Variants in PADI6 observed in about 807,000 individuals in gnomAD.
PADI6 encodes peptidyl arginine deiminase 6.
In PADI6, 66 loss-of-function variants were observed where a neutral mutation model predicts 78.2. The ratio of observed to expected loss-of-function variants is 0.84; its 90% CI spans 0.69 to 1.04. The LOEUF (loss-of-function observed/expected upper bound fraction) is 1.04, where lower values mean the gene tolerates loss of function less well. PADI6 is among the 50% of genes least tolerant of loss of function. The probability of loss-of-function intolerance (pLI) is 0.00; values close to 1 mark genes in which losing one functional copy is unlikely to be tolerated. For synonymous variants in PADI6, 397 were observed against 346.9 expected, an observed-to-expected ratio of 1.14 and a Z score of -1.60; for missense variants, 854 against 866.1, an observed-to-expected ratio of 0.99 and a Z score of 0.18.
intron 8 of PADI6, among the ~76,000 whole-genome samples, chr1:17,389,617 T>G (rs2075161971): frequency 6.6e-6 from 1 of 152,170 alleles, no homozygotes; most frequent in Admixed American, 6.5e-5. Flanking sequence ...CACGTCCGGC[T>G]TCAGGGAATC....
In PADI6 at chr1:17,388,528, CTG is replaced by C. The variant is rs2075149800; in HGVS notation, c.831_832del (p.Ser278ProfsTer59). On this transcript the variant is annotated frameshift_variant, in exon 7 of 16. Transcript: ENST00000619609. LOFTEE classifies it high-confidence loss of function. ...GAATTCTCAGGCCTCATCTCCTACT[CTG>C]TGTCCCTGGTGGAGGAGTCTCAAGA... The C allele has an allele frequency of 1.9e-6, 3 of 1,613,086 alleles. No individual in the cohort carries two copies. Among genetic ancestry groups the C allele is most frequent in the Non-Finnish European group, 2.5e-6 (3 of 1,179,174 alleles).
intron 9 of PADI6, 44 bp from the exon 10 acceptor site, chr1:17,393,931 G>T (rs374146973): frequency 1.3e-5 from 20 of 1,554,722 alleles, no homozygotes; most frequent in Non-Finnish European, 1.8e-5. Flanking sequence ...GGGGTCCGGG[G>T]AGATGTGTGA....
chr1:17,395,470 T>C, intron 12 of PADI6, 70 bp from the exon 13 acceptor site: 1 of 1,520,760 alleles, frequency 6.6e-7, no homozygotes, highest in Non-Finnish European at 8.9e-7. Context: ...TCCAAAGTGC[T>C]GGGATTACAG....
At chr1:17,393,347 T>C (rs6695214) in intron 9 of PADI6, among the ~76,000 whole-genome samples, 91,567 of 151,986 alleles carry the variant, frequency 0.6, 27,858 homozygotes, top group South Asian at 0.67. Context: ...CTGGCTAAGA[T>C]GTAGGGAACA....
chr1:17,381,241 T>C, intron 5 of PADI6, 77 bp downstream of exon 5: 1 of 1,263,616 alleles, frequency 7.9e-7, no homozygotes, highest in Non-Finnish European at 1.1e-6. Flanking sequence ...GATTCCAGAC[T>C]AATTTTCTCC....
intron 14 of PADI6, 76 bp downstream of exon 14, chr1:17,397,217 C>T (rs1416111849): frequency 6.5e-6 from 10 of 1,527,436 alleles, no homozygotes; most frequent in Admixed American, 1.8e-5. Context: ...TTCCACCCAC[C>T]CCTCCTGAGG....
chr1:17,394,194 G>A (rs1302506703), intron 10 of PADI6, 106 bp from the exon 11 acceptor site: 4 of 1,551,912 alleles, frequency 2.6e-6, no homozygotes, highest in African/African-American at 2.7e-5. Flanking sequence ...CCTCTGAGGG[G>A]GGAGGGGACG....
At chr1:17,383,951 C>G (rs1448345788) in intron 6 of PADI6, among the ~76,000 whole-genome samples, 1 of 151,182 alleles carries the variant, frequency 6.6e-6, no homozygotes, top group Non-Finnish European at 1.5e-5. Context: ...GAGTTCGAGA[C>G]CAGCCCGGCC....
chr1:17,400,545 C>A (rs1205456237), intron 15 of PADI6, among the ~76,000 whole-genome samples: 1 of 152,110 alleles, frequency 6.6e-6, no homozygotes, highest in Non-Finnish European at 1.5e-5. Context: ...AAATTCTGTT[C>A]CTACTTATTC....
intron 6 of PADI6, among the ~76,000 whole-genome samples, chr1:17,386,280 T>C (rs1206220202): frequency 1.3e-5 from 2 of 152,176 alleles, no homozygotes; most frequent in Non-Finnish European, 2.9e-5. Flanking sequence ...CTAGCAAAGA[T>C]AGCCCACAGT....
In PADI6 at chr1:17,375,409, G is replaced by C. The variant is rs750764720; in HGVS notation, c.295-18G>C. The C allele has an allele frequency of 1.8e-5, 29 of 1,606,044 alleles. No individual in the cohort carries two copies. Among genetic ancestry groups the C allele is most frequent in the Middle Eastern group, 3.3e-4 (2 of 6,074 alleles). On this transcript the variant is annotated intron_variant, in intron 2 of 15. Transcript: ENST00000619609. ...CCCGTCCAACACTGCCTATGGTTTC[G>C]GGATGCTGTCTCCACAGGTCTCGGT...
At chr1:17,388,929 C>A (rs1023464523) in intron 8 of PADI6, 49 bp downstream of exon 8, 4 of 1,457,174 alleles carry the variant, frequency 2.7e-6, no homozygotes, top group Non-Finnish European at 3.8e-6. Context: ...ATAACTGGCA[C>A]CCTCTTCTTT....
chr1:17,392,264 T>TGG (rs2075194154), intron 9 of PADI6, 39 bp downstream of exon 9: 1 of 1,457,540 alleles, frequency 6.9e-7, no homozygotes, highest in Non-Finnish European at 9.4e-7. Flanking sequence ...CGGGGAGGGG[T>TGG]GGGGAGACTC....
At chr1:17,391,629 A>G (rs12127405) in intron 8 of PADI6, among the ~76,000 whole-genome samples, 52,858 of 152,134 alleles carry the variant, frequency 0.35, 9,399 homozygotes, top group South Asian at 0.39. Context: ...TGAAGACCCC[A>G]GGGCTCAAGA....
At position 17,399,025 on chromosome 1, in the gene PADI6, T is replaced by TG. The variant is rs1473482778; in HGVS notation, c.1851+179dup. 2.6e-5 allele frequency among the ~76,000 whole-genome samples: 4 copies of TG among 151,792 alleles called. No individual in the cohort carries two copies. In the South Asian group the frequency reaches 8.4e-4, roughly 32 times the overall value. On this transcript the variant is annotated intron_variant, in intron 15 of 15. Coordinates refer to ENST00000619609, the MANE Select transcript of PADI6 (RefSeq NM_207421.4). Reference sequence around the variant, plus strand: ...AGGGACGCCCCACCCAGAGAGCAAGTGTACAGGGCCTGAAGGCTTGGAGGT... The same window carrying TG: ...AGGGACGCCCCACCCAGAGAGCAAGTGGTACAGGGCCTGAAGGCTTGGAGGT...
At chr1:17,391,511 C>T (rs549524010) in intron 8 of PADI6, among the ~76,000 whole-genome samples, 10 of 152,220 alleles carry the variant, frequency 6.6e-5, no homozygotes, top group African/African-American at 2.4e-4. Flanking sequence ...TGCGCCACTG[C>T]GTCCGGCCAG....
rs747472866 is a variant in PADI6 at position 17,381,927 on chromosome 1, C to T, written c.554-40C>T. ...TTCCCTCCACCCCCAGAGTGCTGGC[C>T]TCCAGACATTCCTTAACCTTTGCTT... On this transcript the variant is annotated intron_variant, in intron 5 of 15. Coordinates refer to ENST00000619609, the MANE Select transcript of PADI6 (RefSeq NM_207421.4). 11 of 1,611,684 alleles carry T rather than the reference C, an allele frequency of 6.8e-6. No homozygotes were observed. The Admixed American group carries it at 1.2e-4, about 17-fold the overall frequency.
chr1:17,384,621 CCTAG>C (rs1191083951), intron 6 of PADI6, among the ~76,000 whole-genome samples: 1 of 152,096 alleles, frequency 6.6e-6, no homozygotes, highest in East Asian at 1.9e-4. Flanking sequence ...AGCTTGTAAT[CCTAG>C]CTACTCAGGA....
chr1:17,391,994 G>A, intron 8 of PADI6, 120 bp from the exon 9 acceptor site: 1 of 787,450 alleles, frequency 1.3e-6, no homozygotes, highest in Non-Finnish European at 2.1e-6. Flanking sequence ...CGACCTCACG[G>A]GCAGGGATGT....
Sources: allele counts gnomAD v4.1 joint callset (sites outside exome capture counted in the v4.1 genomes callset), GRCh38; gene constraint gnomAD v4.1.1; transcripts MANE v1.5; gene names NCBI Gene and HGNC (gene_info 2026-07-23, HGNC 2026-07-21).